Variants in PTPRD observed in about 807,000 individuals in gnomAD.
PTPRD encodes protein tyrosine phosphatase receptor type D, also known as receptor-type tyrosine-protein phosphatase delta.
Under a neutral mutation model 214.5 loss-of-function variants are expected in PTPRD, and 34 were observed. The observed-to-expected ratio is 0.16, with a 90% CI of 0.12 to 0.21. The LOEUF is 0.21. Ranked by LOEUF, PTPRD falls within the 10% of genes least tolerant of loss-of-function variation. The pLI, the probability that PTPRD is intolerant of heterozygous loss-of-function variation, is 1.00. For synonymous variants in PTPRD, 1,128 were observed against 845.7 expected (o/e 1.33, Z -5.79); for missense variants, 2,545 against 2,398.7 (o/e 1.06, Z -1.27).
At chr9:8,581,024 G>A (rs531011547) in intron 14 of PTPRD, among the ~76,000 whole-genome samples, 12 of 152,064 alleles carry the variant, frequency 7.9e-5, no homozygotes, top group East Asian at 7.7e-4. Context: ...CATATTTATC[G>A]TGACAAACAC....
rs186846442 is a variant in PTPRD at position 10,127,692 on chromosome 9, G to A, written c.-544-93902C>T. ...TTATATAAAATATACAACCTACACT[G>A]GTAAATTCATTAACCTCTTCCATTT... On this transcript the variant is annotated intron_variant, in intron 3 of 45. Coordinates refer to ENST00000381196, the MANE Select transcript of PTPRD (RefSeq NM_002839.4). 1.0e-3 allele frequency among the ~76,000 whole-genome samples: 153 copies of A among 152,094 alleles called. 1 individual carries two copies. The highest frequency in any genetic ancestry group is 3.5e-3 in the African/African-American group (147 of 41,490).
intron 9 of PTPRD, among the ~76,000 whole-genome samples, chr9:9,349,162 A>G (rs148736380): frequency 6.6e-6 from 1 of 152,076 alleles, no homozygotes; most frequent in Non-Finnish European, 1.5e-5. Context: ...CGTAAATCTG[A>G]TCATATCACT....
chr9:8,344,368 T>A (rs950254678), intron 39 of PTPRD, among the ~76,000 whole-genome samples: 1 of 152,034 alleles, frequency 6.6e-6, no homozygotes, highest in African/African-American at 2.4e-5. Context: ...GGTTCTATAT[T>A]CTGGCAGAAA....
intron 5 of PTPRD, among the ~76,000 whole-genome samples, chr9:9,816,752 A>C (rs2153560232): frequency 6.6e-6 from 1 of 152,152 alleles, no homozygotes; most frequent in East Asian, 1.9e-4. Flanking sequence ...TCATCAATAA[A>C]AGTCATGCAT....
At chr9:8,330,112 C>T (rs1320633549) in intron 44 of PTPRD, among the ~76,000 whole-genome samples, 2 of 152,062 alleles carry the variant, frequency 1.3e-5, no homozygotes, top group African/African-American at 2.4e-5. Context: ...CTCACGGCTT[C>T]CCTTGGCTAG....
At chr9:10,358,858 A>G (rs1440635207) in intron 2 of PTPRD, among the ~76,000 whole-genome samples, 1 of 151,988 alleles carries the variant, frequency 6.6e-6, no homozygotes, top group East Asian at 1.9e-4. Flanking sequence ...ATTATGTTGT[A>G]TATTGTTTTC....
At chr9:10,319,006 C>T (rs1333822211) in intron 3 of PTPRD, among the ~76,000 whole-genome samples, 3 of 152,056 alleles carry the variant, frequency 2.0e-5, no homozygotes, top group Non-Finnish European at 4.4e-5. Context: ...TTTCCCTCTC[C>T]TTCTTCCCCT....
Position 10,307,808 on chromosome 9 carries a change from T to C in PTPRD, c.-545+33155A>G, listed in dbSNP as rs374094214. Among the ~76,000 whole-genome samples the C allele has an allele frequency of 8.0e-4, 121 of 152,156 alleles. 2 individuals are homozygous for C. The South Asian group carries it at 0.021, about 27-fold the overall frequency. ...ATTGTGGTTTGGGTTGGCATTTTTT[T>C]AATGTTTGGTGATGCTAAACGCTTT... On this transcript the variant is annotated intron_variant, in intron 3 of 45. Coordinates refer to ENST00000381196, the MANE Select transcript of PTPRD (RefSeq NM_002839.4).
chr9:10,009,924 T>C (rs1250128306), intron 4 of PTPRD, among the ~76,000 whole-genome samples: 1 of 151,920 alleles, frequency 6.6e-6, no homozygotes, highest in African/African-American at 2.4e-5. Context: ...CAGTTGTGCC[T>C]GAATTCCAAA....
chr9:10,139,125 T>C (rs193033934), intron 3 of PTPRD, among the ~76,000 whole-genome samples: 2 of 152,216 alleles, frequency 1.3e-5, no homozygotes, highest in Non-Finnish European at 2.9e-5. Flanking sequence ...AATGATATGA[T>C]TCTATACCTG....
At chr9:8,741,585 T>C (rs1470750397) in intron 11 of PTPRD, among the ~76,000 whole-genome samples, 3 of 131,682 alleles carry the variant, frequency 2.3e-5, no homozygotes, top group African/African-American at 8.8e-5. Flanking sequence ...TTTTTTTTTT[T>C]TTTTTTTTTT....
At chr9:9,555,880 A>C (rs546245960) in intron 8 of PTPRD, among the ~76,000 whole-genome samples, 3 of 152,288 alleles carry the variant, frequency 2.0e-5, no homozygotes, top group African/African-American at 7.2e-5. Context: ...GAAAGTTCAA[A>C]AGATTGTCCT....
At chr9:9,601,693 T>C (rs1349860398) in intron 7 of PTPRD, among the ~76,000 whole-genome samples, 3 of 152,108 alleles carry the variant, frequency 2.0e-5, no homozygotes, top group Non-Finnish European at 4.4e-5. Context: ...AATAAGGGAC[T>C]ACTGTGTATA....
At chr9:8,643,878 G>C (rs2154337576) in intron 12 of PTPRD, among the ~76,000 whole-genome samples, 1 of 152,312 alleles carries the variant, frequency 6.6e-6, no homozygotes, top group South Asian at 2.1e-4. Flanking sequence ...CAGGCTCCTG[G>C]GCAGAAGGGG....
intron 11 of PTPRD, among the ~76,000 whole-genome samples, chr9:8,843,844 C>G (rs117728154): frequency 1.3e-5 from 2 of 152,110 alleles, no homozygotes; most frequent in African/African-American, 2.4e-5. Context: ...GCCTTAGGTT[C>G]CAAAGACCAA....
intron 9 of PTPRD, among the ~76,000 whole-genome samples, chr9:9,219,385 A>G (rs985867132): frequency 1.3e-5 from 2 of 150,494 alleles, no homozygotes; most frequent in African/African-American, 4.9e-5. Context: ...GATTTATTCC[A>G]TAATGATAAT....
intron 7 of PTPRD, among the ~76,000 whole-genome samples, chr9:9,633,887 C>A (rs184356935): frequency 8.3e-4 from 127 of 152,210 alleles, no homozygotes; most frequent in African/African-American, 2.9e-3. Context: ...TGCAGTATAT[C>A]TTGCCCAAAA....
At chr9:8,577,172 T>A (rs2092496373) in intron 14 of PTPRD, among the ~76,000 whole-genome samples, 1 of 152,230 alleles carries the variant, frequency 6.6e-6, no homozygotes, top group Admixed American at 6.5e-5. Flanking sequence ...GTTCTGTGAA[T>A]ACACATCACT....
chr9:10,235,216 G>C (rs778648567), intron 3 of PTPRD, among the ~76,000 whole-genome samples: 2 of 151,828 alleles, frequency 1.3e-5, no homozygotes, highest in African/African-American at 4.8e-5. Context: ...TATTAGTGAA[G>C]GATTTAGCTA....
Sources: allele counts gnomAD v4.1 joint callset (sites outside exome capture counted in the v4.1 genomes callset), GRCh38; gene constraint gnomAD v4.1.1; transcripts MANE v1.5; gene names NCBI Gene and HGNC (gene_info 2026-07-23, HGNC 2026-07-21).